The following SPRED1 variants were observed in gnomAD, a reference collection of about 807,000 sequenced individuals.
SPRED1 encodes the protein sprouty-related, EVH1 domain-containing protein 1.
Under a neutral mutation model 52.3 loss-of-function variants are expected in SPRED1, and 18 were observed. The ratio of observed to expected loss-of-function variants is 0.34; its 90% CI spans 0.24 to 0.51. SPRED1 has a LOEUF of 0.51. Among genes scored for constraint, SPRED1 ranks in the 20% least tolerant of loss-of-function variants. The probability of loss-of-function intolerance (pLI) is 0.97; values close to 1 mark genes in which losing one functional copy is unlikely to be tolerated. For synonymous variants in SPRED1, 155 were observed against 179.7 expected, an observed-to-expected ratio of 0.86 and a Z score of 1.10; for missense variants, 485 against 551.0, an observed-to-expected ratio of 0.88 and a Z score of 1.20.
chr15:38,286,501 T>C (rs923262160), intron 1 of SPRED1, among the ~76,000 whole-genome samples: 1 of 151,250 alleles, frequency 6.6e-6, no homozygotes, highest in Non-Finnish European at 1.5e-5. Flanking sequence ...TGAAGATTTA[T>C]ATTTATCTTT....
chr15:38,301,494 CT>C (rs1340599217), intron 2 of SPRED1, among the ~76,000 whole-genome samples: 1 of 152,016 alleles, frequency 6.6e-6, no homozygotes, highest in East Asian at 1.9e-4. Context: ...TAAAGGAGAG[CT>C]TTCAGTCAGA....
At chr15:38,317,642 TC>T (rs1036750703) in intron 2 of SPRED1, among the ~76,000 whole-genome samples, 1 of 151,980 alleles carries the variant, frequency 6.6e-6, no homozygotes, top group African/African-American at 2.4e-5. Context: ...AACTTAGTGT[TC>T]TGATATAGTT....
intron 1 of SPRED1, among the ~76,000 whole-genome samples, chr15:38,281,637 A>G (rs1035055604): frequency 2.1e-5 from 3 of 141,338 alleles, no homozygotes; most frequent in African/African-American, 8.0e-5. Context: ...TCCTGGCTGC[A>G]AGTGATCCTC....
chr15:38,338,676 T>C (rs1297824202), intron 4 of SPRED1, among the ~76,000 whole-genome samples: 1 of 152,172 alleles, frequency 6.6e-6, no homozygotes, highest in Non-Finnish European at 1.5e-5. Context: ...ATTACCATTA[T>C]ATCCTTATGA....
chr15:38,309,900 A>C (rs1036209856), intron 2 of SPRED1, among the ~76,000 whole-genome samples: 56 of 152,072 alleles, frequency 3.7e-4, no homozygotes, highest in African/African-American at 1.4e-3. Flanking sequence ...TCAGGTAAGC[A>C]TATTTGTGTT....
At chr15:38,287,394 A>G (rs1894832975) in intron 1 of SPRED1, among the ~76,000 whole-genome samples, 1 of 152,084 alleles carries the variant, frequency 6.6e-6, no homozygotes, top group Non-Finnish European at 1.5e-5. Flanking sequence ...TTCTTTAAAC[A>G]TACATCTCTT....
intron 5 of SPRED1, among the ~76,000 whole-genome samples, chr15:38,342,009 C>T (rs980791889): frequency 2.9e-4 from 43 of 146,336 alleles, no homozygotes; most frequent in Non-Finnish European, 4.8e-4. Context: ...TCTTTTAAAC[C>T]ATATATAGTT....
intron 1 of SPRED1, among the ~76,000 whole-genome samples, chr15:38,257,905 C>T (rs1473965408): frequency 6.6e-6 from 1 of 152,170 alleles, no homozygotes; most frequent in African/African-American, 2.4e-5. Flanking sequence ...ACAATTTAGC[C>T]TTTTCTCTGG....
chr15:38,289,356 T>C (rs1321655591), intron 1 of SPRED1, among the ~76,000 whole-genome samples: 1 of 152,184 alleles, frequency 6.6e-6, no homozygotes, highest in African/African-American at 2.4e-5. Flanking sequence ...TGTTTTTCCT[T>C]TGTGGTGTTT....
chr15:38,312,788 A>G, intron 2 of SPRED1, among the ~76,000 whole-genome samples: 1 of 152,068 alleles, frequency 6.6e-6, no homozygotes, highest in South Asian at 2.1e-4. Flanking sequence ...ATAAACCTTT[A>G]TATTGTATTC....
chr15:38,302,036 C>T (rs1039775921), intron 2 of SPRED1, among the ~76,000 whole-genome samples: 1 of 152,060 alleles, frequency 6.6e-6, no homozygotes, highest in African/African-American at 2.4e-5. Flanking sequence ...TTGCTGAAAA[C>T]TGTTCTGTAA....
intron 4 of SPRED1, among the ~76,000 whole-genome samples, chr15:38,329,014 T>A (rs1895761797): frequency 6.6e-6 from 1 of 152,172 alleles, no homozygotes; most frequent in Non-Finnish European, 1.5e-5. Context: ...TCACTGTGCC[T>A]GGTCTAGGTT....
intron 1 of SPRED1, among the ~76,000 whole-genome samples, chr15:38,262,289 T>TCACAGTCCA (rs1894222088): frequency 6.6e-6 from 1 of 152,214 alleles, no homozygotes. Flanking sequence ...AAAATCGCTA[T>TCACAGTCCA]CACAGTCCAC....
At chr15:38,306,000 A>G (rs1001307965) in intron 2 of SPRED1, among the ~76,000 whole-genome samples, 5 of 149,934 alleles carry the variant, frequency 3.3e-5, no homozygotes, top group Non-Finnish European at 5.9e-5. Context: ...TTTTTTTTTC[A>G]TTGCCCAGTT....
At chr15:38,322,466 ATCTT>A (rs1370498383) in intron 3 of SPRED1, 57 bp downstream of exon 3, 9 of 1,580,434 alleles carry the variant, frequency 5.7e-6, no homozygotes, top group Non-Finnish European at 7.8e-6. Flanking sequence ...AGTAGAGGTT[ATCTT>A]TCTTAAAGTT....
chr15:38,326,160 G>T (rs1382952980), intron 4 of SPRED1: 1 of 152,224 alleles, frequency 6.6e-6, no homozygotes, highest in Admixed American at 6.5e-5. Context: ...ATTGGAAAAT[G>T]GAAGAAAGGG....
chr15:38,338,801 C>A (rs1339842755), intron 4 of SPRED1, among the ~76,000 whole-genome samples: 1 of 151,778 alleles, frequency 6.6e-6, no homozygotes, highest in Non-Finnish European at 1.5e-5. Flanking sequence ...AAATCTAGAA[C>A]TTGCATTTAT....
In SPRED1 at chr15:38,354,572, C is replaced by T. The variant is rs765645509; in HGVS notation, c.*2908C>T. ...ATGGCAATAGGGATCTGACAGGGTT[C>T]ATCACTACTACCATTAAAGGGCTAT... On this transcript the variant is annotated 3_prime_UTR_variant, in exon 7 of 7. Coordinates refer to ENST00000299084, the MANE Select transcript of SPRED1 (RefSeq NM_152594.3). The T allele has an allele frequency of 6.6e-6, 1 of 152,188 alleles. No individual in the cohort carries two copies. Among genetic ancestry groups the T allele is most frequent in the Non-Finnish European group, 1.5e-5 (1 of 68,038 alleles). 9.4% of individuals were successfully genotyped at this position (152,188 alleles called of 1,614,324 possible).
At chr15:38,272,979 T>A (rs1320167330) in intron 1 of SPRED1, among the ~76,000 whole-genome samples, 1 of 152,238 alleles carries the variant, frequency 6.6e-6, no homozygotes, top group Non-Finnish European at 1.5e-5. Context: ...TCTCCCGTTC[T>A]GTAGGTTTAC....
Sources: gnomAD v4.1 joint callset for allele counts (sites outside exome capture counted in the v4.1 genomes callset) on GRCh38, gnomAD v4.1.1 for gene constraint, MANE v1.5 for transcripts, NCBI Gene and HGNC (gene_info 2026-07-23, HGNC 2026-07-21) for gene names.